The following WDPCP variants were observed in gnomAD, a reference collection of about 807,000 sequenced individuals.
WDPCP encodes WD repeat containing planar cell polarity effector.
In WDPCP, 71 loss-of-function variants were observed where a neutral mutation model predicts 93.1. That is an observed-to-expected ratio of 0.76 (90% CI 0.63 to 0.93). The LOEUF (loss-of-function observed/expected upper bound fraction) is 0.93, where lower values mean the gene tolerates loss of function less well. Among genes scored for constraint, WDPCP ranks in the 40% least tolerant of loss-of-function variants. WDPCP has a pLI of 0.00. For missense variants in WDPCP, 844 were observed against 887.4 expected (o/e 0.95, Z 0.62); for synonymous variants, 315 against 315.0 (o/e 1.00, Z 0.00).
intron 13 of WDPCP, among the ~76,000 whole-genome samples, chr2:63,295,197 A>G (rs1014849142): frequency 6.6e-6 from 1 of 152,164 alleles, no homozygotes; most frequent in Non-Finnish European, 1.5e-5. Context: ...CACTACAAAA[A>G]CAATCACCCA....
chr2:63,378,818 C>G (rs1314140896), intron 11 of WDPCP, among the ~76,000 whole-genome samples: 1 of 152,118 alleles, frequency 6.6e-6, no homozygotes, highest in African/African-American at 2.4e-5. Context: ...ACAGTTTGAA[C>G]TAGTACTTCC....
chr2:63,298,244 C>T (rs898428538), intron 13 of WDPCP, among the ~76,000 whole-genome samples: 7 of 152,216 alleles, frequency 4.6e-5, no homozygotes, highest in Admixed American at 4.6e-4. Flanking sequence ...TATACTGCCA[C>T]CCAGCCACAT....
chr2:63,347,144 C>T (rs77347963), intron 12 of WDPCP, among the ~76,000 whole-genome samples: 2,271 of 152,096 alleles, frequency 0.015, 61 homozygotes, highest in African/African-American at 0.052. Flanking sequence ...ATTTTAAGTA[C>T]CTTACATATA....
At chr2:63,292,700 A>G (rs1327968954) in intron 13 of WDPCP, among the ~76,000 whole-genome samples, 1 of 152,176 alleles carries the variant, frequency 6.6e-6, no homozygotes, top group Admixed American at 6.5e-5. Context: ...TAGATCCCTT[A>G]TCATCCCTGG....
chr2:63,296,902 G>A (rs9967684), intron 13 of WDPCP, among the ~76,000 whole-genome samples: 123,216 of 152,180 alleles, frequency 0.81, 50,666 homozygotes, highest in East Asian at 0.96. Flanking sequence ...AATTCCTATC[G>A]AAGTACCAAT....
chr2:63,416,527 C>T lies in WDPCP; in HGVS notation c.826-11870G>A, dbSNP rs1399066715. Among the ~76,000 whole-genome samples the T allele has an allele frequency of 6.9e-5, 4 of 58,372 alleles. No individual in the cohort carries two copies. In the Admixed American group the frequency reaches 7.3e-4, roughly 11 times the overall value. 38.3% of individuals were successfully genotyped at this position (58,372 alleles called of 152,430 possible). On this transcript the variant is annotated intron_variant, in intron 9 of 17. Transcript: ENST00000272321. ...GACATTAGCATTAACACCAAAAATA[C>T]TTTTTTTTTTTTTTGAGACGGAGTC... is the stretch of plus-strand genomic sequence containing the variant.
At chr2:63,605,157 G>A (rs1709502548) in intron 3 of WDPCP, 1 of 690,492 alleles carries the variant, frequency 1.4e-6, no homozygotes, top group African/African-American at 1.8e-5. Flanking sequence ...GTTGTTGCAT[G>A]ATTTTGGAGG....
At chr2:63,421,658 G>T (rs1367428657) in intron 9 of WDPCP, among the ~76,000 whole-genome samples, 4 of 152,134 alleles carry the variant, frequency 2.6e-5, no homozygotes, top group Non-Finnish European at 5.9e-5. Flanking sequence ...CCTAATTCTG[G>T]AGAGTTGTCA....
chr2:63,656,574 G>C (rs1329224367), intron 2 of WDPCP, among the ~76,000 whole-genome samples: 1 of 152,204 alleles, frequency 6.6e-6, no homozygotes, highest in Non-Finnish European at 1.5e-5. Flanking sequence ...AATTACTCAG[G>C]AGCCATGTAT....
upstream of WDPCP, among the ~76,000 whole-genome samples, chr2:63,830,968 G>C (rs952334609): frequency 6.6e-6 from 1 of 151,944 alleles, no homozygotes; most frequent in Non-Finnish European, 1.5e-5. Flanking sequence ...CCTCTGTCTT[G>C]TCTGTCTCCT....
chr2:63,278,852 TA>T (rs1683285483), intron 13 of WDPCP, among the ~76,000 whole-genome samples: 1 of 152,166 alleles, frequency 6.6e-6, no homozygotes, highest in Admixed American at 6.5e-5. Context: ...TCAAGGCTGC[TA>T]TGAACACCTT....
chr2:63,817,581 GC>G (rs1329733774), intron 1 of WDPCP, among the ~76,000 whole-genome samples: 1 of 152,144 alleles, frequency 6.6e-6, no homozygotes, highest in African/African-American at 2.4e-5. Flanking sequence ...TTGGAACACA[GC>G]CAGACCCAAT....
At chr2:63,481,116 T>C (rs1463661721) in intron 6 of WDPCP, among the ~76,000 whole-genome samples, 1 of 151,954 alleles carries the variant, frequency 6.6e-6, no homozygotes, top group African/African-American at 2.4e-5. Flanking sequence ...GATATACAAA[T>C]GGCCAGCAAA....
intron 13 of WDPCP, among the ~76,000 whole-genome samples, chr2:63,291,264 CA>C (rs1200969180): frequency 1.3e-5 from 2 of 152,170 alleles, no homozygotes; most frequent in African/African-American, 4.8e-5. Context: ...TTATGTTCAT[CA>C]TTTCCTTGAA....
chr2:63,619,171 T>C (rs1709705463), intron 3 of WDPCP, among the ~76,000 whole-genome samples: 1 of 152,226 alleles, frequency 6.6e-6, no homozygotes, highest in Admixed American at 6.5e-5. Flanking sequence ...TCCATGTTAG[T>C]TGGCTGGCCA....
At chr2:63,720,633 C>A (rs181850940) in intron 2 of WDPCP, among the ~76,000 whole-genome samples, 5 of 152,168 alleles carry the variant, frequency 3.3e-5, no homozygotes, top group Admixed American at 3.3e-4. Context: ...GTGTCTCTTT[C>A]CATTGACCCC....
At chr2:63,660,026 T>A (rs1379727129) in intron 2 of WDPCP, among the ~76,000 whole-genome samples, 2 of 152,212 alleles carry the variant, frequency 1.3e-5, no homozygotes, top group East Asian at 3.8e-4. Context: ...TTTAGATTAT[T>A]TTTTCACAGC....
At chr2:63,756,816 T>C (rs1339303474) in intron 2 of WDPCP, among the ~76,000 whole-genome samples, 1 of 152,162 alleles carries the variant, frequency 6.6e-6, no homozygotes, top group African/African-American at 2.4e-5. Context: ...ATCCTGTTAA[T>C]CTAAAAATAG....
intron 2 of WDPCP, among the ~76,000 whole-genome samples, chr2:63,488,340 A>T (rs1488001374): frequency 6.6e-6 from 1 of 152,086 alleles, no homozygotes; most frequent in Non-Finnish European, 1.5e-5. Context: ...GACTTTCTCA[A>T]ACTGAATGAT....
Sources: allele counts gnomAD v4.1 joint callset (sites outside exome capture counted in the v4.1 genomes callset), GRCh38; gene constraint gnomAD v4.1.1; transcripts MANE v1.5; gene names NCBI Gene and HGNC (gene_info 2026-07-23, HGNC 2026-07-21).